RNF217: variants seen among roughly 807,000 people sequenced by gnomAD.
The protein encoded by RNF217 is ring finger protein 217.
A neutral mutation model predicts 57.8 loss-of-function variants in RNF217; 31 were observed. That is an observed-to-expected ratio of 0.54 (90% confidence interval 0.40 to 0.72). The LOEUF is 0.72. RNF217 is among the 30% of genes least tolerant of loss of function. RNF217 has a pLI of 0.00. For missense variants in RNF217, 696 were observed against 708.3 expected (o/e 0.98, Z 0.20); for synonymous variants, 313 against 294.0 (o/e 1.06, Z -0.66).
chr6:125,062,128 G>A (rs1243568208), intron 3 of RNF217, among the ~76,000 whole-genome samples: 8 of 151,840 alleles, frequency 5.3e-5, no homozygotes, highest in African/African-American at 1.5e-4. Context: ...AGTTTTAAAC[G>A]ATTATGCCTT....
At chr6:125,073,925 C>T (rs1788248152) in intron 3 of RNF217, among the ~76,000 whole-genome samples, 1 of 152,134 alleles carries the variant, frequency 6.6e-6, no homozygotes, top group African/African-American at 2.4e-5. Context: ...GGAATATTAT[C>T]TAACTTGACA....
intron 2 of RNF217, among the ~76,000 whole-genome samples, chr6:125,045,771 C>A (rs1787073925): frequency 6.6e-6 from 1 of 151,754 alleles, no homozygotes; most frequent in African/African-American, 2.4e-5. Context: ...TTATTATGGA[C>A]TTGATTTTTT....
chr6:125,074,290 AAGATAGGTAGAT>A (rs1193013567), intron 3 of RNF217, among the ~76,000 whole-genome samples: 3 of 139,766 alleles, frequency 2.1e-5, no homozygotes, highest in Non-Finnish European at 4.6e-5. Context: ...CGGTAGACAG[AAGATAGGTAGAT>A]AGATAGATAG....
At position 125,052,284 on chromosome 6, in the gene RNF217, T is replaced by TTGTATG. The variant is rs374838947; in HGVS notation, c.1117-5655_1117-5654insATGTGT. On this transcript the variant is annotated intron_variant, in intron 2 of 5. Coordinates refer to ENST00000521654, the MANE Select transcript of RNF217 (RefSeq NM_001286398.3). ...AATATAGCTTACCTTGTCATGCGTT[T>TTGTATG]TGTGTGTGTGTGTGTGTGTGTGTGT... 1.9e-3 allele frequency among the ~76,000 whole-genome samples: 277 copies of TTGTATG among 143,232 alleles called. 2 individuals carry two copies. Among genetic ancestry groups the TTGTATG allele is most frequent in the African/African-American group, 6.9e-3 (267 of 38,970 alleles). The allele number at this position is 143,232 out of a possible 152,430, so 94.0% of individuals were successfully genotyped here. A position where few individuals can be genotyped will look rare whatever the true frequency, so the allele number is the denominator to read the frequency against.
chr6:124,971,454 TTTTGTTTG>T, intron 1 of RNF217: 2 of 329,054 alleles, frequency 6.1e-6, no homozygotes, highest in South Asian at 4.9e-5. Flanking sequence ...TTAAGTTTTT[TTTTGTTTG>T]TTTGTTTGTT....
chr6:125,019,946 T>C (rs547392639), intron 1 of RNF217, among the ~76,000 whole-genome samples: 2 of 152,284 alleles, frequency 1.3e-5, no homozygotes, highest in African/African-American at 4.8e-5. Flanking sequence ...GTCAGCTTTG[T>C]GGAGAAGAGC....
At chr6:125,075,837 A>T (rs1213247675) in intron 3 of RNF217, among the ~76,000 whole-genome samples, 2 of 152,090 alleles carry the variant, frequency 1.3e-5, no homozygotes, top group Non-Finnish European at 2.9e-5. Flanking sequence ...TTCCAATTTT[A>T]TCGCAAAGAG....
chr6:124,992,530 G>A (rs1427104285), intron 1 of RNF217, among the ~76,000 whole-genome samples: 2 of 152,070 alleles, frequency 1.3e-5, no homozygotes, highest in Non-Finnish European at 2.9e-5. Context: ...TACTGGATTC[G>A]GTTAGCTTGT....
chr6:125,014,746 C>T (rs1388318969), intron 1 of RNF217, among the ~76,000 whole-genome samples: 1 of 152,112 alleles, frequency 6.6e-6, no homozygotes, highest in Admixed American at 6.6e-5. Context: ...ATACAATCTT[C>T]CCATGAACTC....
rs1788843068 is a variant in RNF217 at position 125,088,592 on chromosome 6, T to A, written c.*5655T>A. The stretch of plus-strand genomic sequence containing the variant: ...TGCCAGTTTTAAAAGAATGTAATTA[T>A]GCATGTTACAAACTATATATATCTT... On this transcript the variant is annotated 3_prime_UTR_variant, in exon 6 of 6. Coordinates refer to ENST00000521654, the MANE Select transcript of RNF217 (RefSeq NM_001286398.3). The A allele has an allele frequency of 1.3e-5, 2 of 152,194 alleles. No individual in the cohort carries two copies. Among genetic ancestry groups the A allele is most frequent in the Non-Finnish European group, 2.9e-5 (2 of 68,032 alleles). 9.4% of individuals were successfully genotyped at this position (152,194 alleles called of 1,614,324 possible). A position where few individuals can be genotyped will look rare whatever the true frequency, so the allele number is the denominator to read the frequency against.
chr6:125,017,226 G>A (rs1785647144), intron 1 of RNF217, among the ~76,000 whole-genome samples: 1 of 152,140 alleles, frequency 6.6e-6, no homozygotes. Flanking sequence ...TTTATGCATG[G>A]AAAACTTCCT....
At chr6:125,047,957 G>A (rs929366254) in intron 2 of RNF217, among the ~76,000 whole-genome samples, 4 of 152,024 alleles carry the variant, frequency 2.6e-5, no homozygotes, top group African/African-American at 4.8e-5. Context: ...AGAGAAGATC[G>A]ATAACAGAAG....
chr6:125,042,742 C>A (rs905492097), intron 1 of RNF217, among the ~76,000 whole-genome samples: 4 of 152,018 alleles, frequency 2.6e-5, no homozygotes, highest in African/African-American at 9.7e-5. Context: ...TTGGATTGCT[C>A]TCGTCCCTAA....
chr6:125,018,121 A>T (rs944514571), intron 1 of RNF217, among the ~76,000 whole-genome samples: 1 of 152,202 alleles, frequency 6.6e-6, no homozygotes, highest in African/African-American at 2.4e-5. Context: ...TTTTATAGAG[A>T]CATGGTATGA....
chr6:125,051,933 A>G (rs1297173310), intron 2 of RNF217, among the ~76,000 whole-genome samples: 1 of 152,052 alleles, frequency 6.6e-6, no homozygotes, highest in East Asian at 1.9e-4. Flanking sequence ...CGGACAAGAA[A>G]TAGACCCAGA....
At chr6:124,984,012 T>G (rs892047348) in intron 1 of RNF217, among the ~76,000 whole-genome samples, 6 of 152,132 alleles carry the variant, frequency 3.9e-5, no homozygotes, top group African/African-American at 1.4e-4. Flanking sequence ...TGTAAGGATA[T>G]TTATCCTGTT....
At chr6:125,075,783 CTAA>C (rs1788341707) in intron 3 of RNF217, among the ~76,000 whole-genome samples, 1 of 152,112 alleles carries the variant, frequency 6.6e-6, no homozygotes, top group African/African-American at 2.4e-5. Context: ...AAAGATGGCT[CTAA>C]TTTCTATACA....
rs576570190 is a variant in RNF217 at position 124,997,098 on chromosome 6, GT to G, written c.882+33676del. Among the ~76,000 whole-genome samples the G allele has an allele frequency of 3.2e-4, 49 of 152,230 alleles. No homozygotes were observed. The East Asian group carries it at 9.5e-3, about 29-fold the overall frequency. On this transcript the variant is annotated intron_variant, in intron 1 of 5. Transcript: ENST00000521654. ...TCTGTCAAAAAAGAATTTATTTTCT[GT>G]TTTGGTCCGGTGTGTATTCATTTGT...
intron 1 of RNF217, among the ~76,000 whole-genome samples, chr6:125,017,615 A>T (rs1437550927): frequency 6.6e-6 from 1 of 152,182 alleles, no homozygotes; most frequent in Non-Finnish European, 1.5e-5. Context: ...TGATACTAGG[A>T]TTATCTGTTC....
Sources: allele counts gnomAD v4.1 joint callset (sites outside exome capture counted in the v4.1 genomes callset), GRCh38; gene constraint gnomAD v4.1.1; transcripts MANE v1.5; gene names NCBI Gene and HGNC (gene_info 2026-07-23, HGNC 2026-07-21).